Variants in NOL11 observed in about 807,000 individuals in gnomAD.
The protein encoded by NOL11 is nucleolar protein 11.
In NOL11, 42 loss-of-function variants were observed where a neutral mutation model predicts 93.0. The observed-to-expected ratio is 0.45, with a 90% confidence interval of 0.35 to 0.58. NOL11 has a LOEUF of 0.58. Among genes scored for constraint, NOL11 ranks in the 20% least tolerant of loss-of-function variants. The pLI is 0.00. For missense variants in NOL11, 775 were observed against 841.8 expected, an observed-to-expected ratio of 0.92 and a Z score of 0.98; for synonymous variants, 296 against 293.7, an observed-to-expected ratio of 1.01 and a Z score of -0.08.
chr17:67,725,752 A>G (rs2055085307), intron 6 of NOL11, among the ~76,000 whole-genome samples: 1 of 152,170 alleles, frequency 6.6e-6, no homozygotes, highest in Non-Finnish European at 1.5e-5. Flanking sequence ...AAGAAAGAGC[A>G]ATTTCATAAG....
rs377735298 is a variant in NOL11 at position 67,722,683 on chromosome 17, A to G, written c.519+46A>G. ...CTGGCCCATTTTGTGAAATTTCTTT[A>G]AAAAAAAAAAATTTATTTAGAGACA... On this transcript the variant is annotated intron_variant, in intron 5 of 17. Coordinates refer to ENST00000253247, the MANE Select transcript of NOL11 (RefSeq NM_015462.5). 2.9e-4 allele frequency: 10 copies of G among 34,460 alleles called. No homozygotes were observed. The South Asian group carries it at 5.5e-3, about 19-fold the overall frequency. 2.1% of individuals were successfully genotyped at this position (34,460 alleles called of 1,614,324 possible). A position where few individuals can be genotyped will look rare whatever the true frequency, so the allele number is the denominator to read the frequency against.
At chr17:67,735,519 T>C (rs948044282) in intron 8 of NOL11, among the ~76,000 whole-genome samples, 6 of 151,970 alleles carry the variant, frequency 3.9e-5, no homozygotes, top group Non-Finnish European at 8.8e-5. Flanking sequence ...ATTTTTACAA[T>C]CATAAAATAT....
chr17:67,724,971 T>G lies in NOL11; in HGVS notation c.664+778T>G, dbSNP rs542026664. ...TACTCTGGAGGCTGAGGCAGGAGAA[T>G]GGTGTGAACCCAGGAGGCGGAGCTT... On this transcript the variant is annotated intron_variant, in intron 6 of 17. Transcript: ENST00000253247. Among the ~76,000 whole-genome samples the G allele has an allele frequency of 4.6e-5, 7 of 152,194 alleles. No homozygotes were observed. The South Asian group carries it at 1.5e-3, about 32-fold the overall frequency.
At chr17:67,727,938 A>C (rs1323213319) in intron 7 of NOL11, among the ~76,000 whole-genome samples, 1 of 132,130 alleles carries the variant, frequency 7.6e-6, no homozygotes, top group Non-Finnish European at 1.7e-5. Flanking sequence ...AAAAAAAAAA[A>C]AAAAAGAGCT....
At chr17:67,728,180 A>T (rs545285012) in intron 7 of NOL11, among the ~76,000 whole-genome samples, 1 of 152,272 alleles carries the variant, frequency 6.6e-6, no homozygotes, top group African/African-American at 2.4e-5. Flanking sequence ...GAATGGCGTG[A>T]GCCTGGGAGG....
intron 16 of NOL11, among the ~76,000 whole-genome samples, chr17:67,741,330 A>G (rs1393909302): frequency 6.6e-6 from 1 of 152,092 alleles, no homozygotes; most frequent in African/African-American, 2.4e-5. Flanking sequence ...TCAGCCTCCC[A>G]AAGTGCTAGG....
At chr17:67,729,308 G>A (rs987311428) in intron 7 of NOL11, among the ~76,000 whole-genome samples, 5 of 151,736 alleles carry the variant, frequency 3.3e-5, no homozygotes, top group Admixed American at 6.6e-5. Context: ...TAGTAGAGAC[G>A]GGGTTTCACC....
chr17:67,738,025 A>G, intron 13 of NOL11, 53 bp downstream of exon 13: 1 of 1,565,334 alleles, frequency 6.4e-7, no homozygotes, highest in Non-Finnish European at 8.6e-7. Context: ...AATCTGTTAC[A>G]TTATTTGATT....
intron 5 of NOL11, among the ~76,000 whole-genome samples, chr17:67,723,277 G>T (rs571551755): frequency 1.3e-5 from 2 of 150,462 alleles, no homozygotes; most frequent in African/African-American, 4.9e-5. Context: ...CTCCCAAAGT[G>T]CTGGGATTAC....
intron 15 of NOL11, 67 bp downstream of exon 15, chr17:67,739,077 A>G: frequency 9.0e-7 from 1 of 1,114,744 alleles, no homozygotes; most frequent in South Asian, 1.3e-5. Context: ...AACTCTAACC[A>G]GCTGTTAGGG....
chr17:67,721,278 A>G (rs545529065), intron 3 of NOL11, 100 bp from the exon 4 acceptor site: 1 of 681,442 alleles, frequency 1.5e-6, no homozygotes, highest in South Asian at 3.2e-5. Context: ...ATTCAAAATG[A>G]AAATAAAGCA....
In NOL11 at chr17:67,738,157, A is replaced by G. The variant is rs1158625200; in HGVS notation, c.1565A>G (p.Asn522Ser). ...GDDSLQETDV[N>S]MESVFDYSIN... ...GACAGTCTTCAAGAAACAGATGTTA[A>G]TATGGAGTCAGTTTTTGACTATAGT... The change falls in exon 14 of 18, where the codon AAT (asparagine) becomes AGT (serine). Residue 522 changes from asparagine to serine, a missense_variant. By Grantham distance (46) the Asn-to-Ser change is conservative. Coordinates refer to ENST00000253247, the MANE Select transcript of NOL11 (RefSeq NM_015462.5). 1.2e-6 allele frequency: 2 copies of G among 1,612,484 alleles called. No individual in the cohort carries two copies. Among genetic ancestry groups the G allele is most frequent in the Non-Finnish European group, 1.7e-6 (2 of 1,179,022 alleles).
chr17:67,729,941 A>G (rs1186077081), intron 7 of NOL11, among the ~76,000 whole-genome samples: 1 of 150,604 alleles, frequency 6.6e-6, no homozygotes, highest in Non-Finnish European at 1.5e-5. Context: ...TTTTGTTTTT[A>G]TATTTAGTTT....
intron 1 of NOL11, among the ~76,000 whole-genome samples, chr17:67,718,903 C>G (rs974481532): frequency 6.6e-6 from 1 of 152,210 alleles, no homozygotes; most frequent in African/African-American, 2.4e-5. Flanking sequence ...GCAGCTCCTG[C>G]ATAGGAATAC....
chr17:67,742,485 A>G (rs2055265522), intron 16 of NOL11, among the ~76,000 whole-genome samples: 1 of 152,160 alleles, frequency 6.6e-6, no homozygotes, highest in African/African-American at 2.4e-5. Context: ...TCTCTTTAGT[A>G]TAATTTTTGA....
chr17:67,725,127 G>A (rs2055079550), intron 6 of NOL11, among the ~76,000 whole-genome samples: 1 of 152,174 alleles, frequency 6.6e-6, no homozygotes, highest in African/African-American at 2.4e-5. Flanking sequence ...CAGTGAAAAA[G>A]AGAAATCACT....
Position 67,734,430 on chromosome 17 carries a change from C to T in NOL11, c.921C>T (p.Thr307=). ...LQTSKELPQG[T]SGQLWYYGEH... ...CTTCAAAAGAGTTACCACAAGGGAC[C>T]AGTGGTCAAGTAAGTTTTTTCACTT... Residue 307 remains threonine (T), a synonymous_variant, in exon 8 of 18, where the codon ACC becomes ACT. Coordinates refer to ENST00000253247, the MANE Select transcript of NOL11 (RefSeq NM_015462.5). 1 of 1,598,118 alleles carries T rather than the reference C, an allele frequency of 6.3e-7. No homozygotes were observed. Among genetic ancestry groups the T allele is most frequent in the Non-Finnish European group, 8.6e-7 (1 of 1,166,256 alleles).
At chr17:67,730,892 TACA>T (rs1267645153) in intron 7 of NOL11, among the ~76,000 whole-genome samples, 2 of 152,244 alleles carry the variant, frequency 1.3e-5, no homozygotes, top group Non-Finnish European at 2.9e-5. Flanking sequence ...ACCGGCATTG[TACA>T]GTGGTTCCAG....
intron 12 of NOL11, 65 bp downstream of exon 12, chr17:67,737,757 A>G (rs1189516399): frequency 6.3e-7 from 1 of 1,581,750 alleles, no homozygotes; most frequent in Admixed American, 1.9e-5. Flanking sequence ...TTATAGTTCT[A>G]ATCTTCTGAA....
Sources: gnomAD v4.1 joint callset for allele counts (sites outside exome capture counted in the v4.1 genomes callset) on GRCh38, gnomAD v4.1.1 for gene constraint, MANE v1.5 for transcripts, NCBI Gene and HGNC (gene_info 2026-07-23, HGNC 2026-07-21) for gene names.